The following SEMA4F variants were observed in gnomAD, a reference collection of about 807,000 sequenced individuals.
The protein encoded by SEMA4F is ssemaphorin 4F.
A neutral mutation model predicts 78.4 loss-of-function variants in SEMA4F; 51 were observed. That is an observed-to-expected ratio of 0.65 (90% confidence interval 0.52 to 0.82). The LOEUF (loss-of-function observed/expected upper bound fraction) is 0.82, where lower values mean the gene tolerates loss of function less well. SEMA4F is among the 40% of genes least tolerant of loss of function. The pLI is 0.00. For synonymous variants in SEMA4F, 418 were observed against 408.7 expected (o/e 1.02, Z -0.27); for missense variants, 938 against 1,014.4 (o/e 0.92, Z 1.02).
Position 74,675,024 on chromosome 2 carries a change from A to G in SEMA4F, c.1138A>G (p.Arg380Gly). 1 of 1,613,976 alleles carries G rather than the reference A, an allele frequency of 6.2e-7. No individual in the cohort carries two copies. Among genetic ancestry groups the G allele is most frequent in the Non-Finnish European group, 8.5e-7 (1 of 1,180,006 alleles). Residue 380 changes from arginine to glycine, a missense_variant, in exon 9 of 14, where the codon AGA (arginine) becomes GGA (glycine). Physicochemically the swap from Arg to Gly is moderately radical, Grantham distance 125 (BLOSUM62 -2). Transcript: ENST00000357877. ...PVVDNDVPQPRPGECITNNMK... is the reference protein window; with the variant it reads ...PVVDNDVPQPGPGECITNNMK... ...CGTGGACAATGATGTGCCCCAGCCC[A>G]GACCTGGAGAGGTGAGGGGGCAGAT...
At chr2:74,691,710 C>T in the SEMA4F span, among the ~76,000 whole-genome samples, 3 of 152,184 alleles carry the variant, frequency 2.0e-5, no homozygotes, top group South Asian at 6.2e-4. Context: ...TAAAGTTTTC[C>T]CAGGTTCAAA....
At chr2:74,700,954 A>C in the SEMA4F span, among the ~76,000 whole-genome samples, 1 of 152,214 alleles carries the variant, frequency 6.6e-6, no homozygotes, top group Admixed American at 6.5e-5. Context: ...CCCCAGTGTC[A>C]TTCTAGTAAA....
At chr2:74,677,396 A>G (rs1362214300) in intron 12 of SEMA4F, among the ~76,000 whole-genome samples, 7 of 152,160 alleles carry the variant, frequency 4.6e-5, no homozygotes, top group Non-Finnish European at 8.8e-5. Flanking sequence ...CACTTCATCC[A>G]TAAATCTTTC....
chr2:74,662,598 A>T (rs561918026), intron 4 of SEMA4F, 134 bp from the exon 5 acceptor site: 6 of 741,844 alleles, frequency 8.1e-6, no homozygotes, highest in South Asian at 7.6e-5. Flanking sequence ...TAATATGGGG[A>T]TGATAGTTGG....
the SEMA4F span, among the ~76,000 whole-genome samples, chr2:74,694,725 T>C: frequency 1.3e-5 from 2 of 152,242 alleles, no homozygotes; most frequent in South Asian, 4.1e-4. Flanking sequence ...TAACAAACAC[T>C]TGTGGAACAT....
rs1031464903 is a variant in SEMA4F at position 74,681,679 on chromosome 2, G to T, written c.*1470G>T. ...ATGACATTGTCAGCTCTTACCAAAC[G>T]TCAAGACCTCTTCCTGCTTGACCAC... is the stretch of plus-strand genomic sequence containing the variant. On this transcript the variant is annotated 3_prime_UTR_variant, in exon 14 of 14. Transcript: ENST00000357877. 6.5e-6 allele frequency: 1 copy of T among 153,064 alleles called. No homozygotes were observed. The highest frequency in any genetic ancestry group is 1.5e-5 in the Non-Finnish European group (1 of 68,162). The allele number at this position is 153,064 out of a possible 1,614,324, so 9.5% of individuals were successfully genotyped here. A position where few individuals can be genotyped will look rare whatever the true frequency, so the allele number is the denominator to read the frequency against.
chr2:74,675,093 G>A (rs1685195932), intron 9 of SEMA4F, 58 bp downstream of exon 9: 11 of 1,613,412 alleles, frequency 6.8e-6, no homozygotes, highest in Non-Finnish European at 9.3e-6. Flanking sequence ...TAAGGCAAGA[G>A]CCCCACTAAG....
At chr2:74,688,872 A>G in the SEMA4F span, among the ~76,000 whole-genome samples, 1 of 152,230 alleles carries the variant, frequency 6.6e-6, no homozygotes, top group African/African-American at 2.4e-5. Context: ...TTATGTATCA[A>G]TTGATTTAAA....
the SEMA4F span, among the ~76,000 whole-genome samples, chr2:74,705,791 G>A: frequency 2.4e-5 from 2 of 83,832 alleles, no homozygotes; most frequent in Non-Finnish European, 3.9e-5. Flanking sequence ...GTCTTGAACT[G>A]CTGGTCTCAG....
At chr2:74,700,852 C>A in the SEMA4F span, among the ~76,000 whole-genome samples, 3 of 152,164 alleles carry the variant, frequency 2.0e-5, no homozygotes, top group Non-Finnish European at 4.4e-5. Context: ...TGTTTCAGTT[C>A]CTGGTTCTTG....
chr2:74,691,916 GCTCGGTCA>G, the SEMA4F span, among the ~76,000 whole-genome samples: 1 of 152,142 alleles, frequency 6.6e-6, no homozygotes, highest in African/African-American at 2.4e-5. Flanking sequence ...CGTATATATG[GCTCGGTCA>G]CTCCATTGCT....
At chr2:74,685,344 C>G (rs1406426179), downstream of SEMA4F, among the ~76,000 whole-genome samples, 1 of 152,010 alleles carries the variant, frequency 6.6e-6, no homozygotes. Flanking sequence ...GAACTGAGGC[C>G]TTAGTCACTG....
In SEMA4F at chr2:74,683,671, A is replaced by C. The variant is rs1047217682; in HGVS notation, c.*3462A>C. The C allele has an allele frequency of 6.6e-6, 1 of 152,092 alleles. No individual in the cohort carries two copies. The highest frequency in any genetic ancestry group is 2.4e-5 in the African/African-American group (1 of 41,376). The allele number at this position is 152,092 out of a possible 1,614,324, so 9.4% of individuals were successfully genotyped here. On this transcript the variant is annotated 3_prime_UTR_variant, in exon 14 of 14. Transcript: ENST00000357877. ...TGAGGAGCTTCTCAGCGGCAGTCAT[A>C]AGAACCAGAGGATTTTCTGCCCTTT...
At chr2:74,655,395 T>G (rs1668815771) in intron 1 of SEMA4F, 1 of 272,474 alleles carries the variant, frequency 3.7e-6, no homozygotes, top group African/African-American at 2.2e-5. Flanking sequence ...GAGGTGGGTA[T>G]GAGCATGGCC....
At chr2:74,703,743 T>G in the SEMA4F span, among the ~76,000 whole-genome samples, 5 of 152,206 alleles carry the variant, frequency 3.3e-5, no homozygotes, top group Non-Finnish European at 7.3e-5. Context: ...CCCTGCAGAT[T>G]CAGTAACACC....
At chr2:74,702,978 T>A in the SEMA4F span, among the ~76,000 whole-genome samples, 2 of 152,218 alleles carry the variant, frequency 1.3e-5, no homozygotes, top group African/African-American at 2.4e-5. Flanking sequence ...TCTTTCTGAA[T>A]TAATCCTTTA....
rs1334362389 is a variant in SEMA4F, at chr2:74,654,334, A to C, written c.-43A>C. On this transcript the variant is annotated 5_prime_UTR_variant, in exon 1 of 14. Transcript: ENST00000357877. ...CCAGTAGCCCCGGGGCCCTGAGCAG[A>C]GGCCGTAGCTTGCGCCGCACCCGCG... 4 of 1,428,874 alleles carry C rather than the reference A, an allele frequency of 2.8e-6. No individual in the cohort carries two copies. The African/African-American group carries it at 6.0e-5, about 21-fold the overall frequency. The allele number at this position is 1,428,874 out of a possible 1,614,324, so 88.5% of individuals were successfully genotyped here.
chr2:74,703,486 C>A, the SEMA4F span, among the ~76,000 whole-genome samples: 14 of 152,244 alleles, frequency 9.2e-5, no homozygotes. Context: ...AATAGTGAAG[C>A]AAGTTTTCTT....
chr2:74,693,102 T>C, the SEMA4F span, among the ~76,000 whole-genome samples: 2 of 152,356 alleles, frequency 1.3e-5, no homozygotes, highest in South Asian at 2.1e-4. Flanking sequence ...GGGATATAAA[T>C]AGATATTTTC....
Sources: gnomAD v4.1 joint callset for allele counts (sites outside exome capture counted in the v4.1 genomes callset) on GRCh38, gnomAD v4.1.1 for gene constraint, MANE v1.5 for transcripts, NCBI Gene and HGNC (gene_info 2026-07-23, HGNC 2026-07-21) for gene names.